Variants in PRKCI observed in about 807,000 individuals in gnomAD.
PRKCI encodes protein kinase C iota type.
A neutral mutation model predicts 84.0 loss-of-function variants in PRKCI; 43 were observed. The observed-to-expected ratio is 0.51, with a 90% CI of 0.40 to 0.66. The LOEUF is 0.66. PRKCI is among the 30% of genes least tolerant of loss of function. The pLI, the probability that PRKCI is intolerant of heterozygous loss-of-function variation, is 0.00. For synonymous variants in PRKCI, 216 were observed against 234.4 expected, an observed-to-expected ratio of 0.92 and a Z score of 0.72; for missense variants, 459 against 745.6, an observed-to-expected ratio of 0.62 and a Z score of 4.48.
intron 13 of PRKCI, 192 bp from the exon 14 acceptor site, chr3:170,293,191 T>C (rs1734605748): frequency 9.3e-6 from 4 of 431,856 alleles, no homozygotes; most frequent in African/African-American, 8.1e-5. Context: ...TTTTTAAAAT[T>C]ATCTTTTAGG....
At position 170,304,811 on chromosome 3, in the gene PRKCI, A is replaced by T. The variant is rs1315467843; in HGVS notation, c.*1684A>T. On this transcript the variant is annotated 3_prime_UTR_variant, in exon 18 of 18. Coordinates refer to ENST00000295797, the MANE Select transcript of PRKCI (RefSeq NM_002740.6). ...AACATGATTATCTAAATTACTTAAA[A>T]TTTTTTAATCTTAGTAAAAATTTTA... 1.3e-5 allele frequency: 2 copies of T among 152,166 alleles called. No individual in the cohort carries two copies. Among genetic ancestry groups the T allele is most frequent in the African/African-American group, 4.8e-5 (2 of 41,452 alleles). The allele number at this position is 152,166 out of a possible 1,614,324, so 9.4% of individuals were successfully genotyped here.
At position 170,303,414 on chromosome 3, in the gene PRKCI, A is replaced by T; in HGVS notation, c.*287A>T. ...GAAGTTATCTTTTTTGTTTAAAAAA[A>T]AAAAAAACACTGCATTAAAAAAGTA... On this transcript the variant is annotated 3_prime_UTR_variant, in exon 18 of 18. Coordinates refer to ENST00000295797, the MANE Select transcript of PRKCI (RefSeq NM_002740.6). The T allele has an allele frequency of 3.7e-6, 1 of 268,272 alleles. No homozygotes were observed. The highest frequency in any genetic ancestry group is 5.5e-5 in the East Asian group (1 of 18,270). 16.6% of individuals were successfully genotyped at this position (268,272 alleles called of 1,614,324 possible). A position where few individuals can be genotyped will look rare whatever the true frequency, so the allele number is the denominator to read the frequency against.
chr3:170,244,338 G>A (rs886193920), intron 2 of PRKCI, among the ~76,000 whole-genome samples: 5 of 152,108 alleles, frequency 3.3e-5, no homozygotes, highest in African/African-American at 1.2e-4. Flanking sequence ...AGCAGCCAGT[G>A]GTTTAATCAG....
At chr3:170,226,701 C>G (rs1335652409) in intron 1 of PRKCI, among the ~76,000 whole-genome samples, 1 of 152,126 alleles carries the variant, frequency 6.6e-6, no homozygotes, top group African/African-American at 2.4e-5. Context: ...CAAGTCTTGG[C>G]AAGACTTGTT....
Position 170,303,206 on chromosome 3 carries a change from T to G in PRKCI, c.*79T>G. On this transcript the variant is annotated 3_prime_UTR_variant, in exon 18 of 18. Coordinates refer to ENST00000295797, the MANE Select transcript of PRKCI (RefSeq NM_002740.6). ...AACTTGCTGCAAGCCTGGATACAAT[T>G]AACCATTTTATATTTGCCACCTACA... The G allele has an allele frequency of 9.3e-7, 1 of 1,077,580 alleles. No homozygotes were observed. The highest frequency in any genetic ancestry group is 2.6e-5 in the East Asian group (1 of 38,334). The allele number at this position is 1,077,580 out of a possible 1,614,324, so 66.8% of individuals were successfully genotyped here. A position where few individuals can be genotyped will look rare whatever the true frequency, so the allele number is the denominator to read the frequency against.
chr3:170,293,354 AT>A (rs1734612141), intron 13 of PRKCI, 28 bp from the exon 14 acceptor site: 3 of 1,592,554 alleles, frequency 1.9e-6, no homozygotes, highest in Non-Finnish European at 2.6e-6. Context: ...AAAGTGTATA[AT>A]TTATTGCTTT....
intron 12 of PRKCI, among the ~76,000 whole-genome samples, chr3:170,287,994 C>G (rs1219647195): frequency 6.6e-6 from 1 of 151,214 alleles, no homozygotes; most frequent in Non-Finnish European, 1.5e-5. Context: ...CACCTGTAAT[C>G]CCAGCATTTT....
At chr3:170,242,992 A>G (rs977933635) in intron 2 of PRKCI, among the ~76,000 whole-genome samples, 7 of 151,854 alleles carry the variant, frequency 4.6e-5, no homozygotes, top group African/African-American at 1.7e-4. Flanking sequence ...TCTTATAGAG[A>G]AGTTCTGCTG....
chr3:170,281,473 G>T (rs1455137937), intron 10 of PRKCI: 1 of 461,512 alleles, frequency 2.2e-6, no homozygotes, highest in Non-Finnish European at 3.8e-6. Context: ...AGGCAGAACA[G>T]GAAATAGCCA....
intron 8 of PRKCI, 33 bp from the exon 9 acceptor site, chr3:170,280,194 C>T: frequency 6.4e-7 from 1 of 1,570,034 alleles, no homozygotes; most frequent in Non-Finnish European, 8.7e-7. Flanking sequence ...AAAGCATTTC[C>T]CATTATAACT....
At chr3:170,252,245 C>T (rs1733470799) in intron 2 of PRKCI, among the ~76,000 whole-genome samples, 1 of 151,942 alleles carries the variant, frequency 6.6e-6, no homozygotes, top group Non-Finnish European at 1.5e-5. Context: ...GGAAAGATAC[C>T]CTGTTGGTTG....
At chr3:170,244,138 C>T (rs1733210293) in intron 2 of PRKCI, among the ~76,000 whole-genome samples, 1 of 152,160 alleles carries the variant, frequency 6.6e-6, no homozygotes, top group African/African-American at 2.4e-5. Context: ...GTGAGAAGAG[C>T]ATCTTTTGTT....
In PRKCI at chr3:170,241,202, A is replaced by C. The variant is rs529743178; in HGVS notation, c.223+5851A>C. Among the ~76,000 whole-genome samples the C allele has an allele frequency of 3.7e-4, 56 of 152,306 alleles. 1 individual carries two copies. Among genetic ancestry groups the C allele is most frequent in the African/African-American group, 1.3e-3 (53 of 41,560 alleles). ...ATTTCTTTGTGGTGAGGACATTTAA[A>C]ATCCACTCTTTTTGTTATTTTGAAA... On this transcript the variant is annotated intron_variant, in intron 2 of 17. Coordinates refer to ENST00000295797, the MANE Select transcript of PRKCI (RefSeq NM_002740.6).
chr3:170,234,599 C>T (rs772093701), intron 1 of PRKCI, among the ~76,000 whole-genome samples: 9 of 152,090 alleles, frequency 5.9e-5, no homozygotes, highest in Non-Finnish European at 8.8e-5. Flanking sequence ...TTTTCTTCTT[C>T]TAATTTAATT....
intron 1 of PRKCI, among the ~76,000 whole-genome samples, chr3:170,231,172 G>C (rs919494727): frequency 2.0e-5 from 3 of 151,722 alleles, no homozygotes; most frequent in African/African-American, 7.3e-5. Flanking sequence ...TGTTGGCCAG[G>C]CTGGTCTGGA....
chr3:170,251,224 A>G (rs1408788025), intron 2 of PRKCI, among the ~76,000 whole-genome samples: 1 of 152,250 alleles, frequency 6.6e-6, no homozygotes, highest in Non-Finnish European at 1.5e-5. Context: ...AATTCCCTGC[A>G]TATCAATCTG....
At chr3:170,298,587 G>A (rs768683501) in intron 16 of PRKCI, among the ~76,000 whole-genome samples, 2 of 152,104 alleles carry the variant, frequency 1.3e-5, no homozygotes, top group Admixed American at 6.5e-5. Flanking sequence ...GGTATTTTTA[G>A]TAGAGACGGG....
At position 170,234,223 on chromosome 3, in the gene PRKCI, G is replaced by A. The variant is rs372237203; in HGVS notation, c.102-1007G>A. On this transcript the variant is annotated intron_variant, in intron 1 of 17. Coordinates refer to ENST00000295797, the MANE Select transcript of PRKCI (RefSeq NM_002740.6). ...ATTTTTTATTTTTAGTAGAGTCAGG[G>A]TTTCTCCATATTGGTCAGGCTGGTC... is the stretch of plus-strand genomic sequence containing the variant. Among the ~76,000 whole-genome samples the A allele has an allele frequency of 2.0e-5, 3 of 151,328 alleles. No individual in the cohort carries two copies. The South Asian group carries it at 6.2e-4, about 31-fold the overall frequency.
intron 12 of PRKCI, among the ~76,000 whole-genome samples, chr3:170,289,740 C>A (rs547866496): frequency 6.6e-6 from 1 of 152,194 alleles, no homozygotes; most frequent in Admixed American, 6.5e-5. Context: ...TGGTGAAACC[C>A]CGTCACTACT....
Sources: allele counts gnomAD v4.1 joint callset (sites outside exome capture counted in the v4.1 genomes callset), GRCh38; gene constraint gnomAD v4.1.1; transcripts MANE v1.5; gene names NCBI Gene and HGNC (gene_info 2026-07-23, HGNC 2026-07-21).